The following GRM5 variants were observed in gnomAD, a reference collection of about 807,000 sequenced individuals.
The protein encoded by GRM5 is metabotropic glutamate receptor 5.
A neutral mutation model predicts 83.1 loss-of-function variants in GRM5; 19 were observed. That is an observed-to-expected ratio of 0.23 (90% confidence interval 0.16 to 0.34). The LOEUF (loss-of-function observed/expected upper bound fraction) is 0.34. Among genes scored for constraint, GRM5 ranks in the 10% least tolerant of loss-of-function variants. GRM5 has a pLI of 1.00. For missense variants in GRM5, 1,160 were observed against 1,588.3 expected (o/e 0.73, Z 4.58); for synonymous variants, 675 against 633.6 (o/e 1.07, Z -0.98).
At chr11:88,979,278 T>C (rs1322970267) in intron 2 of GRM5, among the ~76,000 whole-genome samples, 1 of 152,174 alleles carries the variant, frequency 6.6e-6, no homozygotes, top group Admixed American at 6.5e-5. Flanking sequence ...AGTCTCACTA[T>C]CATGATTTCA....
At chr11:88,829,118 G>A (rs1420562437) in intron 3 of GRM5, among the ~76,000 whole-genome samples, 1 of 152,010 alleles carries the variant, frequency 6.6e-6, no homozygotes, top group South Asian at 2.1e-4. Context: ...AAAATAATTA[G>A]AGTGGCATGA....
chr11:88,568,751 G>C (rs1446082441), intron 7 of GRM5, among the ~76,000 whole-genome samples: 2 of 152,048 alleles, frequency 1.3e-5, no homozygotes, highest in African/African-American at 2.4e-5. Flanking sequence ...AAGTGAAAAA[G>C]ATATGAAATA....
At chr11:88,819,343 G>A (rs377457847) in intron 3 of GRM5, among the ~76,000 whole-genome samples, 1 of 152,158 alleles carries the variant, frequency 6.6e-6, no homozygotes, top group Non-Finnish European at 1.5e-5. Flanking sequence ...TGTCTAGATT[G>A]TGCAGTAGAT....
chr11:88,836,542 G>A (rs988642102), intron 3 of GRM5, among the ~76,000 whole-genome samples: 2 of 152,184 alleles, frequency 1.3e-5, no homozygotes, highest in Non-Finnish European at 2.9e-5. Context: ...GCTTATGCCT[G>A]TAATCTCAGC....
intron 3 of GRM5, among the ~76,000 whole-genome samples, chr11:88,743,492 T>A (rs914349638): frequency 6.6e-6 from 1 of 152,096 alleles, no homozygotes; most frequent in African/African-American, 2.4e-5. Flanking sequence ...CTGGATTAAG[T>A]TCAGGGTGAC....
intron 2 of GRM5, among the ~76,000 whole-genome samples, chr11:88,988,144 C>T (rs7114508): frequency 6.7e-6 from 1 of 149,772 alleles, no homozygotes; most frequent in Admixed American, 6.6e-5. Flanking sequence ...ACTAGAATAA[C>T]CAATACAGAG....
chr11:88,587,105 A>G (rs1318056859), intron 7 of GRM5, among the ~76,000 whole-genome samples: 2 of 152,352 alleles, frequency 1.3e-5, no homozygotes, highest in South Asian at 2.1e-4. Context: ...AGAGACTAAC[A>G]TTTCAGTAGG....
intron 3 of GRM5, among the ~76,000 whole-genome samples, chr11:88,813,976 C>G (rs1019296059): frequency 6.6e-6 from 1 of 151,948 alleles, no homozygotes; most frequent in South Asian, 2.1e-4. Flanking sequence ...CAAGACTTAG[C>G]CTTCTAAATT....
At chr11:88,685,500 T>C (rs1456844060) in intron 3 of GRM5, among the ~76,000 whole-genome samples, 1 of 152,184 alleles carries the variant, frequency 6.6e-6, no homozygotes, top group East Asian at 1.9e-4. Context: ...CTGCAGAAAT[T>C]TGCATAAGTA....
intron 9 of GRM5, among the ~76,000 whole-genome samples, chr11:88,519,354 A>G (rs1348986010): frequency 6.6e-6 from 1 of 152,044 alleles, no homozygotes; most frequent in Non-Finnish European, 1.5e-5. Flanking sequence ...AAGCAGAAGG[A>G]ATGATGGTCA....
rs189460931 is a variant in GRM5 at position 88,774,243 on chromosome 11, G to T, written c.911+75663C>A. Among the ~76,000 whole-genome samples the T allele has an allele frequency of 1.5e-4, 23 of 151,904 alleles. No individual in the cohort carries two copies. In the East Asian group the frequency reaches 3.6e-3, roughly 24 times the overall value. ...TGAATGGGAGTTCACACATGATTTG[G>T]CTCTCTGTTTGTCTTCATGGTGTAG... On this transcript the variant is annotated intron_variant, in intron 3 of 9. Coordinates refer to ENST00000305447, the MANE Select transcript of GRM5 (RefSeq NM_001143831.3).
intron 1 of GRM5, among the ~76,000 whole-genome samples, chr11:89,064,888 C>CTCTCTCTCTCTGTGTGTGTG (rs1218318990): frequency 9.6e-5 from 6 of 62,264 alleles, no homozygotes; most frequent in African/African-American, 4.1e-4. Context: ...CTCTCTCTCT[C>CTCTCTCTCTCTGTGTGTGTG]TGTGTGTGTG....
chr11:88,773,557 T>C (rs1337879830), intron 3 of GRM5, among the ~76,000 whole-genome samples: 1 of 152,120 alleles, frequency 6.6e-6, no homozygotes, highest in Non-Finnish European at 1.5e-5. Context: ...AATGCCTAGG[T>C]TTTCTTCTAG....
intron 2 of GRM5, among the ~76,000 whole-genome samples, chr11:89,004,026 A>T (rs1304473308): frequency 6.6e-6 from 1 of 152,186 alleles, no homozygotes; most frequent in African/African-American, 2.4e-5. Context: ...TGAACATTGA[A>T]GGGTAGGCAA....
chr11:89,064,913 TGTGA>T (rs1262612329), intron 1 of GRM5, among the ~76,000 whole-genome samples: 5 of 57,598 alleles, frequency 8.7e-5, no homozygotes, highest in Non-Finnish European at 1.8e-4. Flanking sequence ...TGTGTGTGTG[TGTGA>T]GAGAGAGAGA....
chr11:88,654,268 A>G (rs1196678624), intron 3 of GRM5, among the ~76,000 whole-genome samples: 1 of 152,178 alleles, frequency 6.6e-6, no homozygotes. Flanking sequence ...AAAGTCTTCT[A>G]CAATGATTTG....
intron 2 of GRM5, among the ~76,000 whole-genome samples, chr11:88,882,966 C>G (rs1944984664): frequency 6.6e-6 from 1 of 152,116 alleles, no homozygotes; most frequent in South Asian, 2.1e-4. Flanking sequence ...TCCTGCCTGC[C>G]AACACGTAAG....
chr11:88,961,690 CA>C (rs1938788310), intron 2 of GRM5, among the ~76,000 whole-genome samples: 1 of 152,146 alleles, frequency 6.6e-6, no homozygotes, highest in South Asian at 2.1e-4. Flanking sequence ...CTTGACTATT[CA>C]TGATCCTCTT....
intron 3 of GRM5, among the ~76,000 whole-genome samples, chr11:88,792,972 T>G (rs1943204187): frequency 6.6e-6 from 1 of 152,180 alleles, no homozygotes; most frequent in South Asian, 2.1e-4. Context: ...TGATACTATT[T>G]AGAGTAAGAC....
Sources: allele counts gnomAD v4.1 joint callset (sites outside exome capture counted in the v4.1 genomes callset), GRCh38; gene constraint gnomAD v4.1.1; transcripts MANE v1.5; gene names NCBI Gene and HGNC (gene_info 2026-07-23, HGNC 2026-07-21).